The following ACO1 variants were observed in gnomAD, a reference collection of about 807,000 sequenced individuals.
ACO1 encodes the protein cytoplasmic aconitate hydratase.
Under a neutral mutation model 105.1 loss-of-function variants are expected in ACO1, and 78 were observed. That is an observed-to-expected ratio of 0.74 (90% CI 0.62 to 0.90). The LOEUF is 0.90. Among genes scored for constraint, ACO1 ranks in the 40% least tolerant of loss-of-function variants. ACO1 has a pLI of 0.00. For missense variants in ACO1, 965 were observed against 1,111.1 expected (o/e 0.87, Z 1.87); for synonymous variants, 364 against 397.4 (o/e 0.92, Z 1.00).
intron 1 of ACO1, among the ~76,000 whole-genome samples, chr9:32,399,311 A>G (rs1821438767): frequency 6.6e-6 from 1 of 152,186 alleles, no homozygotes; most frequent in South Asian, 2.1e-4. Context: ...TTTACAAAAG[A>G]AGAAGTTTAG....
At chr9:32,394,424 C>T (rs1041321) in intron 1 of ACO1, among the ~76,000 whole-genome samples, 88,876 of 152,020 alleles carry the variant, frequency 0.58, 27,402 homozygotes, top group Non-Finnish European at 0.69. Flanking sequence ...TCCCTTCATC[C>T]CAGGTCTGTA....
rs1388780169 is a variant in ACO1, at chr9:32,453,777, T to C, written c.*3666T>C. The C allele has an allele frequency of 1.3e-5, 2 of 152,238 alleles. No individual in the cohort carries two copies. The highest frequency in any genetic ancestry group is 1.9e-4 in the East Asian group (1 of 5,204). 9.4% of individuals were successfully genotyped at this position (152,238 alleles called of 1,614,324 possible). The stretch of plus-strand genomic sequence containing the variant: ...TGAAAAACAGTAGCCAAGGTTCTAC[T>C]GGCTGCCTTCTTAGGACATTATTAA... On this transcript the variant is annotated 3_prime_UTR_variant, in exon 21 of 21. Transcript: ENST00000309951.
At position 32,434,670 on chromosome 9, in the gene ACO1, A is replaced by G. The variant is rs751450274; in HGVS notation, c.2068A>G (p.Ser690Gly). ...ISPAGNIARN[S>G]PAARYLTNRG... Reference sequence around the variant, plus strand: ...CCCAGCTGGAAATATTGCAAGAAACAGTCCTGCTGCTCGCTACTTAACTAA... The same window carrying G: ...CCCAGCTGGAAATATTGCAAGAAACGGTCCTGCTGCTCGCTACTTAACTAA... The change falls in exon 17 of 21, where the codon AGT (serine) becomes GGT (glycine). Residue 690 changes from serine (S) to glycine (G), a missense_variant. By Grantham distance (56) the Ser-to-Gly change is moderately conservative. Transcript: ENST00000309951. The G allele has an allele frequency of 1.9e-5, 31 of 1,614,044 alleles. No homozygotes were observed. In the Admixed American group the frequency reaches 3.5e-4, roughly 18 times the overall value.
At chr9:32,419,328 G>T in intron 7 of ACO1, 151 bp downstream of exon 7, 2 of 817,058 alleles carry the variant, frequency 2.4e-6, no homozygotes, top group South Asian at 3.4e-5. Flanking sequence ...ATGAGGTAAG[G>T]GAAGTGTTCT....
At position 32,403,561 on chromosome 9, in the gene ACO1, T is replaced by A. The variant is rs572030114; in HGVS notation, c.-22-1924T>A. On this transcript the variant is annotated intron_variant, in intron 1 of 20. Coordinates refer to ENST00000309951, the MANE Select transcript of ACO1 (RefSeq NM_002197.3). ...AGCAGGAATCATGTGAGGCTTCTTG[T>A]GTTATGCCCCAGACATTTGTAGCTA... Among the ~76,000 whole-genome samples the A allele has an allele frequency of 3.3e-5, 5 of 152,344 alleles. No individual in the cohort carries two copies. The East Asian group carries it at 9.6e-4, about 29-fold the overall frequency.
intron 17 of ACO1, among the ~76,000 whole-genome samples, chr9:32,435,119 T>C (rs1343419859): frequency 6.6e-6 from 1 of 152,192 alleles, no homozygotes; most frequent in Non-Finnish European, 1.5e-5. Context: ...CTCATCTGTT[T>C]ATCAGTTCTT....
intron 1 of ACO1, among the ~76,000 whole-genome samples, chr9:32,390,861 C>T (rs973991622): frequency 9.2e-5 from 14 of 152,126 alleles, no homozygotes; most frequent in African/African-American, 3.4e-4. Flanking sequence ...ACAAATATAT[C>T]TGGAGCCTGT....
At position 32,407,430 on chromosome 9, in the gene ACO1, G is replaced by A. The variant is rs1200741849; in HGVS notation, c.266+1G>A. Reference sequence around the variant, plus strand: ...CTCGTGTCATCCTGCAGGACTTTACGTGAGCCTAATGTCACTTCACTCTCC... The same window carrying A: ...CTCGTGTCATCCTGCAGGACTTTACATGAGCCTAATGTCACTTCACTCTCC... On this transcript the variant is annotated splice_donor_variant, in intron 3 of 20. Transcript: ENST00000309951. LOFTEE classifies it high-confidence loss of function. 26 of 1,611,574 alleles carry A rather than the reference G, an allele frequency of 1.6e-5. No individual in the cohort carries two copies. Among genetic ancestry groups the A allele is most frequent in the South Asian group, 4.4e-5 (4 of 90,978 alleles).
intron 19 of ACO1, among the ~76,000 whole-genome samples, chr9:32,441,391 G>A (rs994052616): frequency 3.3e-5 from 5 of 152,044 alleles, no homozygotes; most frequent in African/African-American, 4.8e-5. Context: ...TTTGTGGCTC[G>A]CAAATTAATG....
intron 14 of ACO1, 81 bp from the exon 15 acceptor site, chr9:32,431,638 A>G: frequency 6.7e-7 from 1 of 1,485,964 alleles, no homozygotes; most frequent in Non-Finnish European, 9.3e-7. Context: ...ATAACTACCG[A>G]GGAGAACGAG....
intron 1 of ACO1, among the ~76,000 whole-genome samples, chr9:32,397,925 T>C (rs539330822): frequency 6.6e-6 from 1 of 152,268 alleles, no homozygotes; most frequent in Admixed American, 6.5e-5. Flanking sequence ...CTTTAGACCA[T>C]AGAGAGATGA....
intron 19 of ACO1, among the ~76,000 whole-genome samples, chr9:32,447,786 T>C (rs1307456040): frequency 6.6e-6 from 1 of 152,224 alleles, no homozygotes; most frequent in African/African-American, 2.4e-5. Context: ...TTGATACTAT[T>C]ACTTTGTTTG....
chr9:32,435,237 G>A (rs1428167888), intron 17 of ACO1, among the ~76,000 whole-genome samples: 1 of 152,196 alleles, frequency 6.6e-6, no homozygotes, highest in Non-Finnish European at 1.5e-5. Context: ...AATCACGTGA[G>A]GACATAAAAA....
intron 20 of ACO1, among the ~76,000 whole-genome samples, chr9:32,449,571 A>T (rs546196820): frequency 6.6e-6 from 1 of 152,144 alleles, no homozygotes; most frequent in Non-Finnish European, 1.5e-5. Flanking sequence ...AGGCAGTGCA[A>T]AAGTCTGTGT....
intron 15 of ACO1, 36 bp downstream of exon 15, chr9:32,431,879 T>C (rs765971137): frequency 6.2e-7 from 1 of 1,611,620 alleles, no homozygotes; most frequent in South Asian, 1.1e-5. Context: ...CCCCAGAGGA[T>C]CTAAGGGAAA....
In ACO1 at chr9:32,415,639, T is replaced by A. The variant is rs577098060; in HGVS notation, c.405-2489T>A. The stretch of plus-strand genomic sequence containing the variant: ...ATGAGTACCTTGAGGAGCAGCTGTG[T>A]CTCGTCCAGAGGGTCCACAGAGTCT... On this transcript the variant is annotated intron_variant, in intron 4 of 20. Coordinates refer to ENST00000309951, the MANE Select transcript of ACO1 (RefSeq NM_002197.3). Among the ~76,000 whole-genome samples the A allele has an allele frequency of 1.8e-4, 28 of 152,274 alleles. No homozygotes were observed. The South Asian group carries it at 5.6e-3, about 30-fold the overall frequency.
chr9:32,399,776 A>G (rs1821448927), intron 1 of ACO1, among the ~76,000 whole-genome samples: 2 of 151,676 alleles, frequency 1.3e-5, no homozygotes, highest in Admixed American at 1.3e-4. Context: ...AGTGAAAAAA[A>G]GCAATTAGCA....
At chr9:32,408,310 C>T (rs1821659096) in intron 3 of ACO1, among the ~76,000 whole-genome samples, 2 of 152,156 alleles carry the variant, frequency 1.3e-5, no homozygotes, top group Admixed American at 6.5e-5. Flanking sequence ...CATAGAGATA[C>T]CACCCAGTCA....
chr9:32,405,585 T>C lies in ACO1; in HGVS notation c.79T>C (p.Leu27=), dbSNP rs1364634815. ...AAAGAAATTCTTCAATTTGAATAAATTGGAGGATTCAAGATATGGTAGGTA... is the reference window on the plus strand; with the variant it reads ...AAAGAAATTCTTCAATTTGAATAAACTGGAGGATTCAAGATATGGTAGGTA... ...PGKKFFNLNK[L]EDSRYGRLPF... is the part of the protein sequence containing the mutation. Residue 27 remains leucine (L), a synonymous_variant, in exon 2 of 21, where the codon TTG becomes CTG. Coordinates refer to ENST00000309951, the MANE Select transcript of ACO1 (RefSeq NM_002197.3). 6.2e-7 allele frequency: 1 copy of C among 1,612,590 alleles called. No individual in the cohort carries two copies. The highest frequency in any genetic ancestry group is 8.5e-7 in the Non-Finnish European group (1 of 1,178,936).
Sources: allele counts gnomAD v4.1 joint callset (sites outside exome capture counted in the v4.1 genomes callset), GRCh38; gene constraint gnomAD v4.1.1; transcripts MANE v1.5; gene names NCBI Gene and HGNC (gene_info 2026-07-23, HGNC 2026-07-21).